Variants in PTPN4 observed in about 807,000 individuals in gnomAD.
PTPN4 encodes the protein tyrosine-protein phosphatase non-receptor type 4.
PTPN4 carries 49 observed loss-of-function variants against 135.5 expected under a neutral mutation model. The ratio of observed to expected loss-of-function variants is 0.36; its 90% CI spans 0.29 to 0.46. The LOEUF is 0.46. PTPN4 is among the 20% of genes least tolerant of loss of function. The pLI, the probability that PTPN4 is intolerant of heterozygous loss-of-function variation, is 1.00. For missense variants in PTPN4, 860 were observed against 1,101.0 expected, an observed-to-expected ratio of 0.78 and a Z score of 3.10; for synonymous variants, 333 against 369.9, an observed-to-expected ratio of 0.90 and a Z score of 1.14.
intron 2 of PTPN4, among the ~76,000 whole-genome samples, chr2:119,810,587 T>C (rs1691559285): frequency 6.6e-6 from 1 of 152,230 alleles, no homozygotes; most frequent in African/African-American, 2.4e-5. Context: ...TTGTCCAGTT[T>C]ATTGTTGGTA....
chr2:119,799,665 CT>C (rs1691326182), intron 1 of PTPN4, among the ~76,000 whole-genome samples: 1 of 152,162 alleles, frequency 6.6e-6, no homozygotes, highest in South Asian at 2.1e-4. Context: ...AGAATTCACT[CT>C]TCTTGGAACT....
intron 1 of PTPN4, among the ~76,000 whole-genome samples, chr2:119,765,003 C>T (rs1447519228): frequency 2.0e-5 from 3 of 152,002 alleles, no homozygotes; most frequent in East Asian, 1.9e-4. Context: ...TGGAATCTAG[C>T]GTCAAAAACC....
intron 8 of PTPN4, 75 bp downstream of exon 8, chr2:119,882,698 TA>T: frequency 8.3e-7 from 1 of 1,201,470 alleles, no homozygotes; most frequent in Non-Finnish European, 1.1e-6. Context: ...GAAATTCTAA[TA>T]TGATGGCTGT....
intron 3 of PTPN4, 63 bp from the exon 4 acceptor site, chr2:119,877,260 C>A: frequency 6.5e-7 from 1 of 1,536,446 alleles, no homozygotes. Flanking sequence ...AACAGATTTG[C>A]AAGAATCAAT....
At chr2:119,909,051 C>T (rs1678530420) in intron 10 of PTPN4, among the ~76,000 whole-genome samples, 1 of 152,248 alleles carries the variant, frequency 6.6e-6, no homozygotes, top group African/African-American at 2.4e-5. Flanking sequence ...CAGGTTGGTT[C>T]ATGAGGCTTA....
At position 119,817,273 on chromosome 2, in the gene PTPN4, A is replaced by G. The variant is rs1021380552; in HGVS notation, c.138+7282A>G. Among the ~76,000 whole-genome samples the G allele has an allele frequency of 2.6e-5, 4 of 151,200 alleles. No individual in the cohort carries two copies. In the East Asian group the frequency reaches 7.7e-4, roughly 29 times the overall value. On this transcript the variant is annotated intron_variant, in intron 2 of 26. Coordinates refer to ENST00000263708, the MANE Select transcript of PTPN4 (RefSeq NM_002830.4). ...AAGGGGTCCAGTTTCAGCCTTATGC[A>G]TATGGCTAGCCAGTTATGCCAGCAC...
rs148960701 is a variant in PTPN4, at chr2:119,804,216, G to T, written c.-17-5621G>T. Among the ~76,000 whole-genome samples the T allele has an allele frequency of 4.2e-3, 646 of 152,092 alleles. 5 individuals carry two copies. The highest frequency in any genetic ancestry group is 0.012 in the South Asian group (56 of 4,806). The stretch of plus-strand genomic sequence containing the variant: ...TAACCTTGAACTCCTGGGCTCAAGG[G>T]ATCCTCCTACCTCAGCCTCCTGAGT... On this transcript the variant is annotated intron_variant, in intron 1 of 26. Transcript: ENST00000263708.
chr2:119,946,790 G>C, intron 18 of PTPN4: 1 of 453,654 alleles, frequency 2.2e-6, no homozygotes, highest in Non-Finnish European at 3.9e-6. Context: ...AGCTATTTAT[G>C]ACTTTCATTG....
At chr2:119,892,676 G>A (rs1678257328) in intron 9 of PTPN4, among the ~76,000 whole-genome samples, 1 of 152,004 alleles carries the variant, frequency 6.6e-6, no homozygotes, top group Admixed American at 6.6e-5. Context: ...ATTAGGGCAT[G>A]AGATCAAAGC....
At chr2:119,785,869 GGAGA>G (rs1171545446) in intron 1 of PTPN4, among the ~76,000 whole-genome samples, 2 of 152,106 alleles carry the variant, frequency 1.3e-5, no homozygotes, top group Non-Finnish European at 2.9e-5. Flanking sequence ...TCCAAGTAAA[GGAGA>G]GAGAGGTGTA....
chr2:119,961,792 A>C (rs1396670331), intron 23 of PTPN4, among the ~76,000 whole-genome samples: 2 of 152,228 alleles, frequency 1.3e-5, no homozygotes, highest in Non-Finnish European at 2.9e-5. Context: ...AAAAGACCAC[A>C]TAGTGTATGA....
chr2:119,937,956 C>CA (rs1679008238), intron 15 of PTPN4, among the ~76,000 whole-genome samples: 1 of 146,784 alleles, frequency 6.8e-6, no homozygotes. Flanking sequence ...AAAACCAAAA[C>CA]CAAAAAAAAA....
intron 2 of PTPN4, among the ~76,000 whole-genome samples, chr2:119,822,860 T>C (rs1677090232): frequency 6.6e-6 from 1 of 152,214 alleles, no homozygotes; most frequent in African/African-American, 2.4e-5. Flanking sequence ...TTCTTTTTCC[T>C]TTAGAAGACT....
intron 2 of PTPN4, among the ~76,000 whole-genome samples, chr2:119,838,142 T>C (rs1677324117): frequency 1.3e-5 from 2 of 152,188 alleles, no homozygotes; most frequent in African/African-American, 2.4e-5. Flanking sequence ...TTTAAAATAC[T>C]TTTTTTTCCT....
chr2:119,921,321 C>T lies in PTPN4; in HGVS notation c.1001+1080C>T, dbSNP rs561885520. On this transcript the variant is annotated intron_variant, in intron 12 of 26. Transcript: ENST00000263708. ...ATAAAATAAAATGAAAAACCCTTGA[C>T]CATTATGTGTTAAGATTAATTCATG... Among the ~76,000 whole-genome samples the T allele has an allele frequency of 2.0e-5, 3 of 152,016 alleles. No individual in the cohort carries two copies. The East Asian group carries it at 5.8e-4, about 29-fold the overall frequency.
intron 15 of PTPN4, among the ~76,000 whole-genome samples, chr2:119,937,278 ATGTAT>A (rs1436839798): frequency 6.6e-6 from 1 of 152,222 alleles, no homozygotes; most frequent in Non-Finnish European, 1.5e-5. Flanking sequence ...AATTTAAATG[ATGTAT>A]TGGATTAAGC....
At chr2:119,975,736 C>G (rs1679605693) in intron 26 of PTPN4, among the ~76,000 whole-genome samples, 1 of 151,854 alleles carries the variant, frequency 6.6e-6, no homozygotes, top group Non-Finnish European at 1.5e-5. Flanking sequence ...AAAAAAATGT[C>G]CCTTCAAATA....
intron 8 of PTPN4, among the ~76,000 whole-genome samples, chr2:119,884,842 G>A (rs571716379): frequency 2.8e-4 from 43 of 152,118 alleles, no homozygotes; most frequent in African/African-American, 1.0e-3. Context: ...ATGCATTAGC[G>A]GGCTGTTGGC....
At chr2:119,960,985 G>A in intron 23 of PTPN4, 32 bp downstream of exon 23, 1 of 1,595,782 alleles carries the variant, frequency 6.3e-7, no homozygotes, top group Non-Finnish European at 8.5e-7. Flanking sequence ...CACATTGCTT[G>A]GACTTTTTTC....
Sources: gnomAD v4.1 joint callset for allele counts (sites outside exome capture counted in the v4.1 genomes callset) on GRCh38, gnomAD v4.1.1 for gene constraint, MANE v1.5 for transcripts, NCBI Gene and HGNC (gene_info 2026-07-23, HGNC 2026-07-21) for gene names.